Variants in YAF2 observed in about 807,000 individuals in gnomAD.
The protein encoded by YAF2 is YY1-associated factor 2.
A neutral mutation model predicts 20.1 loss-of-function variants in YAF2; 7 were observed. The ratio of observed to expected loss-of-function variants is 0.35; its 90% CI spans 0.20 to 0.65. The LOEUF (loss-of-function observed/expected upper bound fraction) is 0.65. Ranked by LOEUF, YAF2 falls within the 30% of genes least tolerant of loss-of-function variation. The pLI, the probability that YAF2 is intolerant of heterozygous loss-of-function variation, is 0.69. For missense variants in YAF2, 151 were observed against 219.2 expected, an observed-to-expected ratio of 0.69 and a Z score of 1.96; for synonymous variants, 74 against 76.0, an observed-to-expected ratio of 0.97 and a Z score of 0.14.
At chr12:42,191,127 G>A (rs2066601842) in intron 2 of YAF2, among the ~76,000 whole-genome samples, 1 of 151,986 alleles carries the variant, frequency 6.6e-6, no homozygotes, top group Admixed American at 6.6e-5. Flanking sequence ...ATGCAGCAAG[G>A]ACTGAAAAAT....
chr12:42,219,869 C>T (rs1020511301), intron 2 of YAF2, among the ~76,000 whole-genome samples: 3 of 152,202 alleles, frequency 2.0e-5, no homozygotes, highest in Non-Finnish European at 2.9e-5. Flanking sequence ...GTGATGCTAA[C>T]GCCACTGGTC....
Position 42,161,770 on chromosome 12 carries a change from G to A in YAF2, c.153-5C>T, listed in dbSNP as rs1212127455. The A allele has an allele frequency of 5.7e-6, 9 of 1,587,944 alleles. No homozygotes were observed. The highest frequency in any genetic ancestry group is 4.5e-5 in the East Asian group (2 of 44,222). ...TGGGAGACAGGTCGAGGTTTCCTGT[G>A]TGCATGTTAAAAAGAAAGGTATTTT... is the stretch of plus-strand genomic sequence containing the variant. On this transcript the variant is annotated splice_region_variant and splice_polypyrimidine_tract_variant and intron_variant, in intron 2 of 3. Transcript: ENST00000534854.
intron 2 of YAF2, chr12:42,235,689 C>G: frequency 6.5e-7 from 1 of 1,530,998 alleles, no homozygotes; most frequent in Non-Finnish European, 8.7e-7. Context: ...AATGACAATG[C>G]TTCTCTGAGT....
At chr12:42,193,796 G>A (rs2066678477) in intron 2 of YAF2, among the ~76,000 whole-genome samples, 1 of 152,152 alleles carries the variant, frequency 6.6e-6, no homozygotes, top group Admixed American at 6.5e-5. Context: ...GAGCCACCAT[G>A]TCTGACCAGC....
At chr12:42,190,177 T>C (rs1342174393) in intron 2 of YAF2, among the ~76,000 whole-genome samples, 3 of 152,100 alleles carry the variant, frequency 2.0e-5, no homozygotes, top group Non-Finnish European at 4.4e-5. Flanking sequence ...ACCACATCTC[T>C]ACAAAAAATT....
At chr12:42,226,210 A>G (rs1250743064) in intron 2 of YAF2, among the ~76,000 whole-genome samples, 3 of 152,190 alleles carry the variant, frequency 2.0e-5, no homozygotes, top group African/African-American at 7.2e-5. Context: ...TAGTCAAGAA[A>G]CACTTCGTTT....
chr12:42,187,505 C>T (rs2066503982), intron 2 of YAF2, among the ~76,000 whole-genome samples: 1 of 151,802 alleles, frequency 6.6e-6, no homozygotes, highest in South Asian at 2.1e-4. Context: ...TAGTGGTGTG[C>T]TTCTATATTC....
intron 2 of YAF2, chr12:42,212,453 T>C: frequency 2.2e-6 from 1 of 448,100 alleles, no homozygotes; most frequent in Non-Finnish European, 4.5e-6. Flanking sequence ...CCTCCTTCCT[T>C]CAAGAAACTT....
intron 2 of YAF2, among the ~76,000 whole-genome samples, chr12:42,175,171 T>C (rs1159788829): frequency 2.0e-5 from 3 of 152,192 alleles, no homozygotes; most frequent in Non-Finnish European, 4.4e-5. Context: ...GGTACATCCA[T>C]ACAATGGAAT....
intron 2 of YAF2, chr12:42,235,135 GGTCA>G: frequency 1.0e-6 from 1 of 987,234 alleles, no homozygotes; most frequent in Non-Finnish European, 1.2e-6. Context: ...TCAGTTCAAA[GGTCA>G]GTCTGACCCA....
intron 2 of YAF2, among the ~76,000 whole-genome samples, chr12:42,171,381 A>C (rs536185582): frequency 6.6e-6 from 1 of 152,222 alleles, no homozygotes; most frequent in African/African-American, 2.4e-5. Flanking sequence ...CCAGTCACTC[A>C]GGAGGCTGAG....
intron 2 of YAF2, among the ~76,000 whole-genome samples, chr12:42,192,511 AC>A (rs1447257533): frequency 7.2e-5 from 11 of 152,204 alleles, no homozygotes; most frequent in Non-Finnish European, 1.6e-4. Context: ...CCTGTCTCAA[AC>A]AAAACAAAAC....
intron 2 of YAF2, chr12:42,212,472 A>G (rs1268797212): frequency 8.9e-6 from 4 of 448,264 alleles, no homozygotes; most frequent in African/African-American, 2.0e-5. Flanking sequence ...TTATGATTTC[A>G]TGATTCTTCA....
intron 2 of YAF2, among the ~76,000 whole-genome samples, chr12:42,213,201 G>A (rs975590781): frequency 1.3e-5 from 2 of 152,192 alleles, no homozygotes; most frequent in Non-Finnish European, 2.9e-5. Context: ...AGCCCACATA[G>A]CAATAAACTG....
At chr12:42,221,742 T>C (rs1168549110) in intron 2 of YAF2, among the ~76,000 whole-genome samples, 3 of 152,166 alleles carry the variant, frequency 2.0e-5, no homozygotes, top group Admixed American at 2.0e-4. Flanking sequence ...AATATTATGT[T>C]AGTTCCCCAA....
At chr12:42,224,468 G>C (rs1467991007) in intron 2 of YAF2, among the ~76,000 whole-genome samples, 1 of 152,004 alleles carries the variant, frequency 6.6e-6, no homozygotes, top group Non-Finnish European at 1.5e-5. Context: ...ATAGTGGTTT[G>C]CTGCATCCAT....
At position 42,158,926 on chromosome 12, in the gene YAF2, A is replaced by T. The variant is rs2065748661; in HGVS notation, c.*1663T>A. 6.6e-6 allele frequency: 1 copy of T among 152,228 alleles called. No homozygotes were observed. Among genetic ancestry groups the T allele is most frequent in the South Asian group, 2.1e-4 (1 of 4,834 alleles). 9.4% of individuals were successfully genotyped at this position (152,228 alleles called of 1,614,324 possible). A position where few individuals can be genotyped will look rare whatever the true frequency, so the allele number is the denominator to read the frequency against. On this transcript the variant is annotated 3_prime_UTR_variant, in exon 4 of 4. Coordinates refer to ENST00000534854, the MANE Select transcript of YAF2 (RefSeq NM_005748.6). ...TGAAACATGTTAAAAACAGAATAAGACAAAAAAATTCATGTTTTAAAGGAA... is the reference window on the plus strand; with the variant it reads ...TGAAACATGTTAAAAACAGAATAAGTCAAAAAAATTCATGTTTTAAAGGAA...
rs1219255019 is a variant in YAF2, at chr12:42,160,607, C to T, written c.525G>A (p.Leu175=). ...ATAAACTTTAATGAGATTCTCCATTCAATGATGAGGCTTCTCCTCTGGGTG... is the reference window on the plus strand; with the variant it reads ...ATAAACTTTAATGAGATTCTCCATTTAATGATGAGGCTTCTCCTCTGGGTG... ...SSSPRGEASS[L]NGESH is the part of the protein sequence containing the mutation. The change falls in exon 4 of 4, where the codon TTG becomes TTA. Residue 175 remains leucine (L), a synonymous_variant. Coordinates refer to ENST00000534854, the MANE Select transcript of YAF2 (RefSeq NM_005748.6). The T allele has an allele frequency of 1.9e-6, 3 of 1,613,050 alleles. No homozygotes were observed. The highest frequency in any genetic ancestry group is 1.1e-5 in the South Asian group (1 of 90,892).
intron 2 of YAF2, chr12:42,199,089 A>G (rs2066831698): frequency 9.6e-7 from 1 of 1,037,318 alleles, no homozygotes; most frequent in Non-Finnish European, 1.3e-6. Flanking sequence ...CCTCTTGGGT[A>G]CATCTTCAAC....
Sources: allele counts gnomAD v4.1 joint callset (sites outside exome capture counted in the v4.1 genomes callset), GRCh38; gene constraint gnomAD v4.1.1; transcripts MANE v1.5; gene names NCBI Gene and HGNC (gene_info 2026-07-23, HGNC 2026-07-21).